Variants in CROCC2 observed in about 807,000 individuals in gnomAD.
CROCC2 encodes ciliary rootlet coiled-coil, rootletin family member 2.
Under a neutral mutation model 177.6 loss-of-function variants are expected in CROCC2, and 163 were observed. That is an observed-to-expected ratio of 0.92 (90% CI 0.81 to 1.05). The LOEUF (loss-of-function observed/expected upper bound fraction) is 1.05. CROCC2 is among the 50% of genes least tolerant of loss of function. The pLI, the probability that CROCC2 is intolerant of heterozygous loss-of-function variation, is 0.00. For missense variants in CROCC2, 1,929 were observed against 1,797.8 expected, an observed-to-expected ratio of 1.07 and a Z score of -1.32; for synonymous variants, 904 against 787.3, an observed-to-expected ratio of 1.15 and a Z score of -2.48.
chr2:240,992,060 A>T (rs2059883490), intron 31 of CROCC2, among the ~76,000 whole-genome samples: 1 of 152,158 alleles, frequency 6.6e-6, no homozygotes, highest in African/African-American at 2.4e-5. Context: ...CCGGCCTGGA[A>T]ATGCTGGGAA....
intron 18 of CROCC2, among the ~76,000 whole-genome samples, chr2:240,951,131 C>T (rs932658369): frequency 1.7e-4 from 25 of 151,426 alleles, no homozygotes; most frequent in African/African-American, 5.8e-4. Context: ...TCCCATCCAC[C>T]TGTTCATCCA....
intron 1 of CROCC2, among the ~76,000 whole-genome samples, chr2:240,914,947 G>T (rs139900562): frequency 6.6e-6 from 1 of 152,254 alleles, no homozygotes; most frequent in African/African-American, 2.4e-5. Context: ...TGCCCCAGGC[G>T]CAGGGATGGG....
At chr2:240,950,548 C>T (rs1269924715) in intron 18 of CROCC2, 38 bp downstream of exon 18, 8 of 1,523,494 alleles carry the variant, frequency 5.3e-6, no homozygotes, top group African/African-American at 1.4e-5. Flanking sequence ...ATTGCTCACA[C>T]CCACTGCACC....
chr2:240,920,465 A>G (rs2106454167), intron 3 of CROCC2, among the ~76,000 whole-genome samples: 1 of 152,288 alleles, frequency 6.6e-6, no homozygotes, highest in Non-Finnish European at 1.5e-5. Flanking sequence ...TGGCCTGGCC[A>G]GTCCTGACTC....
intron 18 of CROCC2, 35 bp downstream of exon 18, chr2:240,950,545 A>C (rs1318639045): frequency 6.5e-7 from 1 of 1,528,570 alleles, no homozygotes. Flanking sequence ...GGGATTGCTC[A>C]CACCCACTGC....
rs2059567068 is a variant in CROCC2, at chr2:240,953,110, G to C, written c.2829+2600G>C. Among the ~76,000 whole-genome samples the C allele has an allele frequency of 6.6e-6, 1 of 152,070 alleles. No homozygotes were observed. The highest frequency in any genetic ancestry group is 2.1e-4 in the South Asian group (1 of 4,818). On this transcript the variant is annotated intron_variant, in intron 18 of 31. Transcript: ENST00000690015. The surrounding 1 kb of genome is among the most constrained non-coding windows in gnomAD (Gnocchi z 4.0). Reference sequence around the variant, plus strand: ...GGCACACACAGCCCCCAAGAGAGGGGACCTCGGTCAAACAGGAGTGCAGGC... The same window carrying C: ...GGCACACACAGCCCCCAAGAGAGGGCACCTCGGTCAAACAGGAGTGCAGGC...
At position 240,958,833 on chromosome 2, in the gene CROCC2, G is replaced by A. The variant is rs1033555691; in HGVS notation, c.2944-468G>A. Among the ~76,000 whole-genome samples the A allele has an allele frequency of 6.6e-6, 1 of 152,186 alleles. No homozygotes were observed. The highest frequency in any genetic ancestry group is 1.5e-5 in the Non-Finnish European group (1 of 68,012). On this transcript the variant is annotated intron_variant, in intron 19 of 31. Transcript: ENST00000690015. This position sits in a 1 kb window ranked among gnomAD's most constrained non-coding sequence, Gnocchi z 6.7. Reference sequence around the variant, plus strand: ...GGTGAAGAAGGTGGTATTTGTCCATGAACAAGGGGCCATGGGCTGAGCCTG... The same window carrying A: ...GGTGAAGAAGGTGGTATTTGTCCATAAACAAGGGGCCATGGGCTGAGCCTG...
At chr2:240,986,847 G>C (rs1344884038) in intron 28 of CROCC2, among the ~76,000 whole-genome samples, 1 of 152,206 alleles carries the variant, frequency 6.6e-6, no homozygotes, top group Non-Finnish European at 1.5e-5. Context: ...AGTAGGCAGG[G>C]GGCCCCCATC....
At position 240,966,973 on chromosome 2, in the gene CROCC2, G is replaced by A. The variant is rs559370993; in HGVS notation, c.4147-372G>A. On this transcript the variant is annotated intron_variant, in intron 25 of 31. Transcript: ENST00000690015. The stretch of plus-strand genomic sequence containing the variant: ...CCCTCCCACCGCTGCCAGCCCCAGG[G>A]GGCAGGGTCCCGTCTGCACTCAGCC... 5.3e-5 allele frequency among the ~76,000 whole-genome samples: 8 copies of A among 152,168 alleles called. No individual in the cohort carries two copies. In the South Asian group the frequency reaches 1.5e-3, roughly 28 times the overall value.
rs2059625812 is a variant in CROCC2 at position 240,960,688 on chromosome 2, C to T, written c.3087+1244C>T. Among the ~76,000 whole-genome samples the T allele has an allele frequency of 6.6e-6, 1 of 152,092 alleles. No individual in the cohort carries two copies. The highest frequency in any genetic ancestry group is 6.5e-5 in the Admixed American group (1 of 15,284). On this transcript the variant is annotated intron_variant, in intron 20 of 31. Coordinates refer to ENST00000690015, the MANE Select transcript of CROCC2 (RefSeq NM_001351305.2). This position sits in a 1 kb window ranked among gnomAD's most constrained non-coding sequence, Gnocchi z 5.0. Reference sequence around the variant, plus strand: ...TGCTGGAGCGAGCGGCTGGCGCACACCACGCCCCAGAGGCCGGGCCGGCCG... The same window carrying T: ...TGCTGGAGCGAGCGGCTGGCGCACATCACGCCCCAGAGGCCGGGCCGGCCG...
intron 27 of CROCC2, among the ~76,000 whole-genome samples, chr2:240,970,040 C>T (rs2059710493): frequency 6.6e-6 from 1 of 152,162 alleles, no homozygotes; most frequent in African/African-American, 2.4e-5. Context: ...CTGAAATACA[C>T]CTTTTAAATC....
rs191270353 is a variant in CROCC2 at position 240,923,053 on chromosome 2, C to T, written c.488+408C>T. Among the ~76,000 whole-genome samples the T allele has an allele frequency of 3.4e-4, 51 of 152,180 alleles. 1 individual carries two copies. In the East Asian group the frequency reaches 7.7e-3, roughly 23 times the overall value. On this transcript the variant is annotated intron_variant, in intron 4 of 31. Transcript: ENST00000690015. ...GTAGCTGCATCACGATTGTACCCATCGCTATCAGACCCCTCCCCCGCTCCA... is the reference window on the plus strand; with the variant it reads ...GTAGCTGCATCACGATTGTACCCATTGCTATCAGACCCCTCCCCCGCTCCA...
At chr2:240,946,338 C>T (rs556774478) in intron 15 of CROCC2, 85 bp downstream of exon 15, 14 of 1,296,030 alleles carry the variant, frequency 1.1e-5, no homozygotes, top group South Asian at 1.6e-5. Flanking sequence ...TGGGGACAAT[C>T]GCACCATGAC....
Position 240,934,910 on chromosome 2 carries a change from C to T in CROCC2, c.1792-6C>T. ...TCCCTCCCTGGCATCCCCCTCCCTG[C>T]CCCAGGCCGAGTGCAGCAATGCGGA... is the stretch of plus-strand genomic sequence containing the variant. On this transcript the variant is annotated splice_region_variant and splice_polypyrimidine_tract_variant and intron_variant, in intron 12 of 31. Transcript: ENST00000690015. The T allele has an allele frequency of 1.3e-6, 2 of 1,504,060 alleles. No homozygotes were observed. The highest frequency in any genetic ancestry group is 8.9e-7 in the Non-Finnish European group (1 of 1,126,056). The allele number at this position is 1,504,060 out of a possible 1,614,324, so 93.2% of individuals were successfully genotyped here. A position where few individuals can be genotyped will look rare whatever the true frequency, so the allele number is the denominator to read the frequency against.
Position 240,960,624 on chromosome 2 carries a change from G to A in CROCC2, c.3087+1180G>A, listed in dbSNP as rs1343720735. On this transcript the variant is annotated intron_variant, in intron 20 of 31. Coordinates refer to ENST00000690015, the MANE Select transcript of CROCC2 (RefSeq NM_001351305.2). This position sits in a 1 kb window ranked among gnomAD's most constrained non-coding sequence, Gnocchi z 5.0. ...ACGGGGCGACCTCGCACACTCCCTG[G>A]GCTGCTTGCCAAGGCTGGAGGCTGC... Among the ~76,000 whole-genome samples the A allele has an allele frequency of 2.0e-5, 3 of 152,212 alleles. No individual in the cohort carries two copies. The highest frequency in any genetic ancestry group is 2.9e-5 in the Non-Finnish European group (2 of 67,980).
rs746830954 is a variant in CROCC2, at chr2:240,958,229, C to T, written c.2944-1072C>T. 49 of 978,626 alleles carry T rather than the reference C, an allele frequency of 5.0e-5. No individual in the cohort carries two copies. Among genetic ancestry groups the T allele is most frequent in the Non-Finnish European group, 5.9e-5 (49 of 823,794 alleles). The allele number at this position is 978,626 out of a possible 1,614,324, so 60.6% of individuals were successfully genotyped here. A position where few individuals can be genotyped will look rare whatever the true frequency, so the allele number is the denominator to read the frequency against. ...TCACCACTGCCATCGGGCTCCCAGC[C>T]GATGCCCTGTCCCTGAGGCCCTCAC... On this transcript the variant is annotated intron_variant, in intron 19 of 31. Transcript: ENST00000690015. The surrounding 1 kb of genome is among the most constrained non-coding windows in gnomAD (Gnocchi z 6.7).
At chr2:240,986,223 G>A (rs1458819773) in intron 28 of CROCC2, among the ~76,000 whole-genome samples, 2 of 152,230 alleles carry the variant, frequency 1.3e-5, no homozygotes, top group African/African-American at 2.4e-5. Flanking sequence ...GGTCCAAGGT[G>A]CAGGGTGGGG....
intron 31 of CROCC2, among the ~76,000 whole-genome samples, chr2:240,991,906 G>A (rs1001963130): frequency 3.3e-5 from 5 of 152,176 alleles, no homozygotes; most frequent in African/African-American, 1.2e-4. Flanking sequence ...CACGCCCAGC[G>A]GCTGTGAGCC....
At chr2:240,991,591 G>A (rs1283630917) in intron 31 of CROCC2, among the ~76,000 whole-genome samples, 5 of 152,226 alleles carry the variant, frequency 3.3e-5, no homozygotes, top group African/African-American at 1.2e-4. Context: ...CCTGCAGCTG[G>A]TGCTGGACCA....
Sources: gnomAD v4.1 joint callset for allele counts (sites outside exome capture counted in the v4.1 genomes callset) on GRCh38, gnomAD v4.1.1 for gene constraint, Gnocchi (gnomAD v3.1) non-coding constraint, MANE v1.5 for transcripts, NCBI Gene and HGNC (gene_info 2026-07-23, HGNC 2026-07-21) for gene names.